Variants in NYAP2 observed in about 807,000 individuals in gnomAD.
NYAP2 encodes neuronal tyrosine-phosphorylated phosphoinositide-3-kinase adaptor 2.
Under a neutral mutation model 50.4 loss-of-function variants are expected in NYAP2, and 23 were observed. That is an observed-to-expected ratio of 0.46 (90% confidence interval 0.33 to 0.65). The LOEUF (loss-of-function observed/expected upper bound fraction) is 0.65, where lower values mean the gene tolerates loss of function less well. Ranked by LOEUF, NYAP2 falls within the 30% of genes least tolerant of loss-of-function variation. NYAP2 has a pLI of 0.02. For synonymous variants in NYAP2, 394 were observed against 365.2 expected (o/e 1.08, Z -0.90); for missense variants, 885 against 861.0 (o/e 1.03, Z -0.35).
the NYAP2 span, among the ~76,000 whole-genome samples, chr2:225,668,745 C>T: frequency 6.6e-6 from 1 of 151,810 alleles, no homozygotes; most frequent in Non-Finnish European, 1.5e-5. Flanking sequence ...TGTGTGTCAG[C>T]TGCACTCTCC....
intron 4 of NYAP2, among the ~76,000 whole-genome samples, chr2:225,565,774 A>G (rs74593317): frequency 0.027 from 4,171 of 152,272 alleles, 180 homozygotes; most frequent in African/African-American, 0.094. Context: ...TCCATTTAAC[A>G]GTTGAGCTCA....
At chr2:225,509,676 G>C (rs143593805) in intron 3 of NYAP2, among the ~76,000 whole-genome samples, 84 of 152,316 alleles carry the variant, frequency 5.5e-4, no homozygotes, top group African/African-American at 1.9e-3. Flanking sequence ...CTTCTAGAAA[G>C]AGTGTGCCTC....
intron 6 of NYAP2, among the ~76,000 whole-genome samples, chr2:225,650,766 C>T (rs1464057249): frequency 6.6e-6 from 1 of 152,190 alleles, no homozygotes; most frequent in African/African-American, 2.4e-5. Flanking sequence ...CCCAAATATC[C>T]TGTACTTTCT....
chr2:225,625,325 A>G (rs923020526), intron 5 of NYAP2, among the ~76,000 whole-genome samples: 15 of 152,218 alleles, frequency 9.9e-5, no homozygotes, highest in Non-Finnish European at 2.2e-4. Flanking sequence ...TAAATTAAAA[A>G]TTCATGGAGC....
chr2:225,428,562 T>C (rs189261415), intron 3 of NYAP2, among the ~76,000 whole-genome samples: 1 of 152,350 alleles, frequency 6.6e-6, no homozygotes, highest in East Asian at 1.9e-4. Context: ...CAATAAAACT[T>C]TATTTACAAA....
intron 3 of NYAP2, among the ~76,000 whole-genome samples, chr2:225,465,404 G>A (rs547127225): frequency 7.9e-5 from 12 of 152,144 alleles, no homozygotes; most frequent in African/African-American, 2.7e-4. Context: ...GTGCTTCCTA[G>A]ATCTATATAC....
chr2:225,557,289 C>T (rs545957639), intron 4 of NYAP2, among the ~76,000 whole-genome samples: 170 of 152,266 alleles, frequency 1.1e-3, no homozygotes, highest in Middle Eastern at 6.8e-3. Flanking sequence ...ATCAATCCAT[C>T]CATCCTTTCA....
intron 3 of NYAP2, among the ~76,000 whole-genome samples, chr2:225,442,326 T>A (rs1463864057): frequency 6.6e-6 from 1 of 152,186 alleles, no homozygotes; most frequent in African/African-American, 2.4e-5. Context: ...GTTCTACCAC[T>A]GTGTAGAAAA....
chr2:225,547,278 T>G (rs1173943222), intron 4 of NYAP2, among the ~76,000 whole-genome samples: 1 of 152,162 alleles, frequency 6.6e-6, no homozygotes, highest in African/African-American at 2.4e-5. Flanking sequence ...ACTCCACTAT[T>G]TAATTACATG....
At chr2:225,418,269 G>A (rs750256841) in intron 3 of NYAP2, among the ~76,000 whole-genome samples, 3 of 152,190 alleles carry the variant, frequency 2.0e-5, no homozygotes, top group Non-Finnish European at 2.9e-5. Context: ...GGGCAGAGCA[G>A]GTGAGGCGGA....
chr2:225,613,802 TA>T (rs1692940076), intron 5 of NYAP2, among the ~76,000 whole-genome samples: 2 of 152,156 alleles, frequency 1.3e-5, no homozygotes, highest in Admixed American at 6.5e-5. Flanking sequence ...CTTCATTTAT[TA>T]TATAGTCCAC....
chr2:225,444,792 A>G (rs1169113211), intron 3 of NYAP2, among the ~76,000 whole-genome samples: 2 of 152,166 alleles, frequency 1.3e-5, no homozygotes, highest in Non-Finnish European at 2.9e-5. Flanking sequence ...AGAAACAAAA[A>G]CATTTCTCCA....
At chr2:225,593,013 C>T (rs2106236738) in intron 5 of NYAP2, among the ~76,000 whole-genome samples, 1 of 152,276 alleles carries the variant, frequency 6.6e-6, no homozygotes, top group Middle Eastern at 3.4e-3. Flanking sequence ...AATACTAGAA[C>T]TGATTTTTCC....
chr2:225,514,421 A>G (rs1027414426), intron 4 of NYAP2, among the ~76,000 whole-genome samples: 23 of 152,208 alleles, frequency 1.5e-4, no homozygotes, highest in African/African-American at 5.5e-4. Flanking sequence ...ACAAAACACC[A>G]TAGCCTGGGT....
At chr2:225,460,476 A>G (rs1689811805) in intron 3 of NYAP2, among the ~76,000 whole-genome samples, 3 of 152,196 alleles carry the variant, frequency 2.0e-5, no homozygotes, top group Non-Finnish European at 4.4e-5. Flanking sequence ...GTGGGTAATA[A>G]TAATTCTTCT....
At chr2:225,559,365 G>T (rs1455197176) in intron 4 of NYAP2, among the ~76,000 whole-genome samples, 1 of 148,420 alleles carries the variant, frequency 6.7e-6, no homozygotes, top group Non-Finnish European at 1.5e-5. Flanking sequence ...AAAAAAAAAT[G>T]TGCTATGTCT....
chr2:225,612,407 T>G (rs959294642), intron 5 of NYAP2, among the ~76,000 whole-genome samples: 1 of 152,048 alleles, frequency 6.6e-6, no homozygotes, highest in Non-Finnish European at 1.5e-5. Flanking sequence ...TGCATTCATG[T>G]CCTGGTTCCT....
chr2:225,418,088 G>A (rs1306499946), intron 3 of NYAP2, among the ~76,000 whole-genome samples: 2 of 152,182 alleles, frequency 1.3e-5, no homozygotes, highest in African/African-American at 4.8e-5. Context: ...AAGACTCACT[G>A]AGGATGTGAC....
chr2:225,571,684 G>A (rs2106222330), intron 4 of NYAP2, among the ~76,000 whole-genome samples: 1 of 152,268 alleles, frequency 6.6e-6, no homozygotes, highest in South Asian at 2.1e-4. Context: ...TTCCTCCTAG[G>A]CCTCTGGGCC....
Sources: allele counts gnomAD v4.1 joint callset (sites outside exome capture counted in the v4.1 genomes callset), GRCh38; gene constraint gnomAD v4.1.1; transcripts MANE v1.5; gene names NCBI Gene and HGNC (gene_info 2026-07-23, HGNC 2026-07-21).